FOXR1: variants seen among roughly 807,000 people sequenced by gnomAD.
FOXR1 encodes forkhead box protein R1.
Under a neutral mutation model 34.5 loss-of-function variants are expected in FOXR1, and 25 were observed. The observed-to-expected ratio is 0.72, with a 90% CI of 0.53 to 1.01. FOXR1 has a LOEUF of 1.01. Among genes scored for constraint, FOXR1 ranks in the 50% least tolerant of loss-of-function variants. The pLI is 0.00. For missense variants in FOXR1, 373 were observed against 376.2 expected (o/e 0.99, Z 0.07); for synonymous variants, 153 against 141.6 (o/e 1.08, Z -0.57).
intron 4 of FOXR1, chr11:118,980,192 A>C (rs550053453): frequency 9.2e-5 from 55 of 596,952 alleles, no homozygotes; most frequent in African/African-American, 8.9e-4. Flanking sequence ...AGGAATTTTC[A>C]AGTGGTGTCC....
At chr11:118,972,135 C>CCA (rs1941715338) in intron 1 of FOXR1, 143 bp downstream of exon 1, 1 of 569,910 alleles carries the variant, frequency 1.8e-6, no homozygotes, top group South Asian at 2.0e-5. Context: ...CCGCGCCCCC[C>CCA]CCCCCCGACG....
chr11:118,978,023 C>T (rs1027533521), intron 1 of FOXR1, among the ~76,000 whole-genome samples: 1 of 152,066 alleles, frequency 6.6e-6, no homozygotes, highest in Admixed American at 6.6e-5. Context: ...TCGACACCAG[C>T]CTGGCCAATA....
In FOXR1 at chr11:118,976,282, C is replaced by T. The variant is rs141215412; in HGVS notation, c.62-2500C>T. ...GTAAGCTTGGCTCACTGCAACCTCC[C>T]TTTTCCCGCTCAAGCCATCCTCCCA... On this transcript the variant is annotated intron_variant, in intron 1 of 5. Transcript: ENST00000317011. Among the ~76,000 whole-genome samples, 296 of 152,352 alleles carry T rather than the reference C, an allele frequency of 1.9e-3. 1 individual carries two copies. Among genetic ancestry groups the T allele is most frequent in the African/African-American group, 7.0e-3 (290 of 41,592 alleles).
chr11:118,979,057 G>C lies in FOXR1; in HGVS notation c.237G>C (p.Leu79=). 6.2e-7 allele frequency: 1 copy of C among 1,604,716 alleles called. No individual in the cohort carries two copies. Among genetic ancestry groups the C allele is most frequent in the Non-Finnish European group, 8.5e-7 (1 of 1,175,874 alleles). The change falls in exon 3 of 6, where the codon CTG becomes CTC. Residue 79 remains leucine (L), a synonymous_variant. Transcript: ENST00000317011. ...EVSGRRKRED[L]TSTLPSSQPP... is the part of the protein sequence containing the mutation. ...CAGGACGTAGGAAGAGGGAGGACCT[G>C]ACAAGCACACTCCCCTCCTCTCAGC...
intron 1 of FOXR1, among the ~76,000 whole-genome samples, 167 bp downstream of exon 1, chr11:118,972,159 G>A (rs1393121195): frequency 3.3e-5 from 4 of 122,560 alleles, no homozygotes; most frequent in Admixed American, 3.1e-4. Flanking sequence ...TAGCTCCGCC[G>A]CCCCCGCTCC....
intron 1 of FOXR1, among the ~76,000 whole-genome samples, chr11:118,973,876 TAG>T (rs945205976): frequency 6.6e-6 from 1 of 151,958 alleles, no homozygotes; most frequent in Admixed American, 6.6e-5. Context: ...ATATTTTTAG[TAG>T]AGACAGGGTT....
In FOXR1 at chr11:118,978,803, T is replaced by A. The variant is rs782395432; in HGVS notation, c.83T>A (p.Ile28Asn). Residue 28 changes from isoleucine to asparagine, a missense_variant, in exon 2 of 6, where the codon ATT (isoleucine) becomes AAT (asparagine). Transcript: ENST00000317011. Reference sequence around the variant, plus strand: ...CCAGTTGCCAGGTATAAACTCCGAATTGTTAAGCCACCAAAATTACCCCTA... The same window carrying A: ...CCAGTTGCCAGGTATAAACTCCGAAATGTTAAGCCACCAAAATTACCCCTA... ...EQKLARYKLR[I>N]VKPPKLPLEK... is the part of the protein sequence containing the mutation. 8.7e-6 allele frequency: 14 copies of A among 1,614,016 alleles called. No homozygotes were observed. In the Admixed American group the frequency reaches 1.5e-4, roughly 17 times the overall value.
intron 1 of FOXR1, 129 bp downstream of exon 1, chr11:118,972,121 C>G: frequency 2.7e-5 from 14 of 523,414 alleles, no homozygotes; most frequent in Non-Finnish European, 3.9e-5. Context: ...GGGGGCCGAG[C>G]GCCCCGCGCC....
At chr11:118,980,913 A>G (rs1356279305) in intron 5 of FOXR1, among the ~76,000 whole-genome samples, 185 bp downstream of exon 5, 1 of 152,176 alleles carries the variant, frequency 6.6e-6, no homozygotes, top group Non-Finnish European at 1.5e-5. Context: ...CTCCCCCACC[A>G]GTGTGGGGCG....
At chr11:118,977,547 C>T (rs989059705) in intron 1 of FOXR1, among the ~76,000 whole-genome samples, 1 of 152,004 alleles carries the variant, frequency 6.6e-6, no homozygotes, top group African/African-American at 2.4e-5. Flanking sequence ...CCAAGCAAGA[C>T]CCTGTCTCCA....
chr11:118,979,041 G>C lies in FOXR1; in HGVS notation c.221G>C (p.Arg74Thr). 6.2e-7 allele frequency: 1 copy of C among 1,602,588 alleles called. No individual in the cohort carries two copies. The highest frequency in any genetic ancestry group is 8.5e-7 in the Non-Finnish European group (1 of 1,174,774). Residue 74 changes from arginine to threonine, a missense_variant, in exon 3 of 6, where the codon AGG (arginine) becomes ACG (threonine). Arg to Thr is a moderately conservative substitution (Grantham distance 71). Transcript: ENST00000317011. ...PPGKLEVSGR[R>T]KREDLTSTLP... ...GGAAAGCTGGAGGTCTCAGGACGTAGGAAGAGGGAGGACCTGACAAGCACA... is the reference window on the plus strand; with the variant it reads ...GGAAAGCTGGAGGTCTCAGGACGTACGAAGAGGGAGGACCTGACAAGCACA...
chr11:118,977,145 C>G (rs578130538), intron 1 of FOXR1, among the ~76,000 whole-genome samples: 38 of 152,208 alleles, frequency 2.5e-4, no homozygotes, highest in African/African-American at 9.1e-4. Context: ...ATTCTCCTGC[C>G]TCAGCCTCCC....
Position 118,971,829 on chromosome 11 carries a change from C to T in FOXR1, c.-103C>T, listed in dbSNP as rs1316399419. The T allele has an allele frequency of 7.6e-6, 10 of 1,311,548 alleles. No individual in the cohort carries two copies. The highest frequency in any genetic ancestry group is 4.0e-5 in the Admixed American group (2 of 50,504). 81.2% of individuals were successfully genotyped at this position (1,311,548 alleles called of 1,614,324 possible). A position where few individuals can be genotyped will look rare whatever the true frequency, so the allele number is the denominator to read the frequency against. ...GCTCCCACTCCGCGTCCCCACTCCG[C>T]GCCGCCGCGCCTCTGCCAGCCCCGA... On this transcript the variant is annotated 5_prime_UTR_variant, in exon 1 of 6. Transcript: ENST00000317011.
chr11:118,972,784 T>G (rs1476487603), intron 1 of FOXR1, among the ~76,000 whole-genome samples: 5 of 151,996 alleles, frequency 3.3e-5, no homozygotes, highest in Admixed American at 3.3e-4. Context: ...CACCACGCCC[T>G]GTTAATTTTT....
intron 1 of FOXR1, 57 bp downstream of exon 1, chr11:118,972,049 G>C: frequency 7.0e-7 from 1 of 1,429,882 alleles, no homozygotes; most frequent in Non-Finnish European, 9.3e-7. Context: ...TGGCCTAGGG[G>C]CTCGCGGGAC....
chr11:118,980,804 T>G (rs1036384974), intron 5 of FOXR1, 76 bp downstream of exon 5: 2 of 1,393,060 alleles, frequency 1.4e-6, no homozygotes, highest in African/African-American at 2.8e-5. Context: ...TGTGGAAGCC[T>G]GGGTCACACC....
chr11:118,979,395 G>A, intron 3 of FOXR1, 47 bp from the exon 4 acceptor site: 3 of 1,519,258 alleles, frequency 2.0e-6, no homozygotes, highest in Non-Finnish European at 2.7e-6. Context: ...GCACCCTGGA[G>A]TAGAGGCTGA....
At chr11:118,978,668 C>T in intron 1 of FOXR1, 114 bp from the exon 2 acceptor site, 1 of 1,057,936 alleles carries the variant, frequency 9.5e-7, no homozygotes, top group South Asian at 1.3e-5. Flanking sequence ...GTGATGTTAA[C>T]TCCCAAGGCA....
chr11:118,981,229 A>G lies in FOXR1; in HGVS notation c.872A>G (p.Asp291Gly), dbSNP rs1941858638. The change falls in exon 6 of 6, where the codon GAT (aspartate) becomes GGT (glycine). Residue 291 changes from aspartate (D) to glycine (G), a missense_variant. Asp to Gly is a moderately conservative substitution (Grantham distance 94). Coordinates refer to ENST00000317011, the MANE Select transcript of FOXR1 (RefSeq NM_181721.3). Reference sequence around the variant, plus strand: ...ACAGATGTGATGCCCTTCCTCTTTGATCTTTAACCCCAAGAAGCAACAGCC... The same window carrying G: ...ACAGATGTGATGCCCTTCCTCTTTGGTCTTTAACCCCAAGAAGCAACAGCC... Reference protein sequence around the residue: ...SQPDVMPFLFDL With the variant: ...SQPDVMPFLFGL 6.2e-7 allele frequency: 1 copy of G among 1,614,098 alleles called. No individual in the cohort carries two copies.
Sources: allele counts gnomAD v4.1 joint callset (sites outside exome capture counted in the v4.1 genomes callset), GRCh38; gene constraint gnomAD v4.1.1; transcripts MANE v1.5; gene names NCBI Gene and HGNC (gene_info 2026-07-23, HGNC 2026-07-21).